MAML2: variants seen among roughly 807,000 people sequenced by gnomAD.
The protein encoded by MAML2 is mastermind-like protein 2.
In MAML2, 22 loss-of-function variants were observed where a neutral mutation model predicts 96.1. The observed-to-expected ratio is 0.23, with a 90% CI of 0.16 to 0.33. The LOEUF is 0.33. MAML2 is among the 10% of genes least tolerant of loss of function. The pLI is 1.00. For synonymous variants in MAML2, 561 were observed against 521.3 expected (o/e 1.08, Z -1.04); for missense variants, 1,367 against 1,392.4 (o/e 0.98, Z 0.29).
rs764292190 is a variant in MAML2 at position 96,341,761 on chromosome 11, A to G, written c.135T>C (p.Ala45=). ...AIVERLRARI[A]VCRQHHLSCE... is the part of the protein sequence containing the mutation. Reference sequence around the variant, plus strand: ...AGCTCAGGTGGTGTTGGCGGCAGACAGCGATCCGAGCCCGGAGGCGCTCCA... The same window carrying G: ...AGCTCAGGTGGTGTTGGCGGCAGACGGCGATCCGAGCCCGGAGGCGCTCCA... The change falls in exon 1 of 5, where the codon GCT becomes GCC. Residue 45 remains alanine (A), a synonymous_variant. Coordinates refer to ENST00000524717, the MANE Select transcript of MAML2 (RefSeq NM_032427.4). The G allele has an allele frequency of 3.1e-6, 5 of 1,612,528 alleles. No individual in the cohort carries two copies. The African/African-American group carries it at 5.3e-5, about 17-fold the overall frequency.
intron 2 of MAML2, among the ~76,000 whole-genome samples, chr11:95,998,121 T>TGTCTGTCTGTCTGTC (rs1332296910): frequency 4.3e-4 from 59 of 138,124 alleles, no homozygotes; most frequent in South Asian, 3.4e-3. Flanking sequence ...CTTTTCTATC[T>TGTCTGTCTGTCTGTC]ATCTGTCTGT....
At chr11:96,180,204 T>C (rs1861460514) in intron 1 of MAML2, among the ~76,000 whole-genome samples, 1 of 152,144 alleles carries the variant, frequency 6.6e-6, no homozygotes, top group African/African-American at 2.4e-5. Context: ...GGTGTTTTTC[T>C]AAAGGACCAC....
intron 1 of MAML2, among the ~76,000 whole-genome samples, chr11:96,190,908 A>G (rs1484142581): frequency 6.6e-6 from 1 of 152,212 alleles, no homozygotes; most frequent in Non-Finnish European, 1.5e-5. Flanking sequence ...TAGTCAATCA[A>G]TGTAGCTGCC....
At chr11:96,039,819 G>C (rs1028639844) in intron 2 of MAML2, among the ~76,000 whole-genome samples, 1 of 151,842 alleles carries the variant, frequency 6.6e-6, no homozygotes, top group Non-Finnish European at 1.5e-5. Context: ...TTAGCCGGGC[G>C]TAGTGGCGGG....
chr11:96,134,901 A>C (rs1860603565), intron 1 of MAML2, among the ~76,000 whole-genome samples: 1 of 152,246 alleles, frequency 6.6e-6, no homozygotes, highest in Admixed American at 6.5e-5. Flanking sequence ...AGGGCATTAC[A>C]TCCAGAGCTT....
At chr11:96,082,134 A>G (rs951640680) in intron 2 of MAML2, among the ~76,000 whole-genome samples, 1 of 148,520 alleles carries the variant, frequency 6.7e-6, no homozygotes, top group African/African-American at 2.5e-5. Flanking sequence ...CATGGTTTCC[A>G]GGAGCTTGAA....
At chr11:96,318,311 C>T (rs921653296) in intron 1 of MAML2, among the ~76,000 whole-genome samples, 1 of 152,158 alleles carries the variant, frequency 6.6e-6, no homozygotes, top group South Asian at 2.1e-4. Context: ...CAAGGTAACA[C>T]AGGAAGAAGT....
chr11:96,040,866 GCTGA>G (rs1198880095), intron 2 of MAML2, among the ~76,000 whole-genome samples: 3 of 152,178 alleles, frequency 2.0e-5, no homozygotes, highest in Admixed American at 1.3e-4. Flanking sequence ...AAAGCTCAGT[GCTGA>G]CTGTTTTTGT....
chr11:96,336,823 T>C (rs966856880), intron 1 of MAML2, among the ~76,000 whole-genome samples: 2 of 152,234 alleles, frequency 1.3e-5, no homozygotes, highest in Non-Finnish European at 2.9e-5. Context: ...TATTTAAACA[T>C]ATTGGTATTT....
At chr11:96,014,774 TAAATC>T (rs1431999010) in intron 2 of MAML2, among the ~76,000 whole-genome samples, 1 of 152,212 alleles carries the variant, frequency 6.6e-6, no homozygotes, top group African/African-American at 2.4e-5. Context: ...AACAAAGACT[TAAATC>T]AATTACAAGT....
intron 4 of MAML2, among the ~76,000 whole-genome samples, chr11:95,981,679 TA>T (rs1418537916): frequency 6.6e-6 from 1 of 152,140 alleles, no homozygotes; most frequent in Non-Finnish European, 1.5e-5. Flanking sequence ...GTGCATTGTG[TA>T]GTGGGCAGTG....
At chr11:96,274,848 T>G (rs1862965164) in intron 1 of MAML2, among the ~76,000 whole-genome samples, 2 of 152,198 alleles carry the variant, frequency 1.3e-5, no homozygotes, top group Admixed American at 6.5e-5. Flanking sequence ...ATCACCTGAA[T>G]CTAATACCCT....
intron 2 of MAML2, among the ~76,000 whole-genome samples, chr11:96,035,045 T>C (rs1858689891): frequency 6.6e-6 from 1 of 152,226 alleles, no homozygotes; most frequent in Non-Finnish European, 1.5e-5. Flanking sequence ...GACAGACTAA[T>C]ATAATTACTG....
At chr11:96,211,522 G>C (rs949440439) in intron 1 of MAML2, among the ~76,000 whole-genome samples, 29 of 151,474 alleles carry the variant, frequency 1.9e-4, no homozygotes, top group African/African-American at 5.8e-4. Flanking sequence ...GATGTAAAAA[G>C]ATATCATAAT....
intron 1 of MAML2, among the ~76,000 whole-genome samples, chr11:96,180,336 CA>C: frequency 6.6e-6 from 1 of 152,284 alleles, no homozygotes; most frequent in East Asian, 1.9e-4. Flanking sequence ...CTCTGACCAA[CA>C]AAATAGAGTG....
intron 1 of MAML2, among the ~76,000 whole-genome samples, chr11:96,198,374 C>CA (rs1195709885): frequency 6.6e-5 from 10 of 152,192 alleles, no homozygotes; most frequent in African/African-American, 2.4e-4. Context: ...AATCGCTTGT[C>CA]AAACATTCTG....
At chr11:96,173,615 G>A (rs1861335602) in intron 1 of MAML2, among the ~76,000 whole-genome samples, 1 of 152,212 alleles carries the variant, frequency 6.6e-6, no homozygotes, top group African/African-American at 2.4e-5. Flanking sequence ...GTAAGAGGAA[G>A]AGGAAGTACA....
At chr11:96,089,436 G>A (rs1859670066) in intron 2 of MAML2, among the ~76,000 whole-genome samples, 1 of 152,066 alleles carries the variant, frequency 6.6e-6, no homozygotes, top group South Asian at 2.1e-4. Flanking sequence ...TTACCCCTTG[G>A]TTTTGACCCA....
intron 1 of MAML2, among the ~76,000 whole-genome samples, chr11:96,110,724 A>G (rs999222623): frequency 6.6e-6 from 1 of 152,194 alleles, no homozygotes; most frequent in African/African-American, 2.4e-5. Context: ...ACAAAAAAAA[A>G]TACTCCATGG....
Sources: allele counts gnomAD v4.1 joint callset (sites outside exome capture counted in the v4.1 genomes callset), GRCh38; gene constraint gnomAD v4.1.1; transcripts MANE v1.5; gene names NCBI Gene and HGNC (gene_info 2026-07-23, HGNC 2026-07-21).